EMSY: variants seen among roughly 807,000 people sequenced by gnomAD.
EMSY encodes the protein BRCA2-interacting transcriptional repressor EMSY.
A neutral mutation model predicts 134.6 loss-of-function variants in EMSY; 26 were observed. The observed-to-expected ratio is 0.19, with a 90% CI of 0.14 to 0.27. EMSY has a LOEUF of 0.27. EMSY is among the 10% of genes least tolerant of loss of function. EMSY has a pLI of 1.00. For synonymous variants in EMSY, 579 were observed against 577.8 expected (o/e 1.00, Z -0.03); for missense variants, 1,305 against 1,611.4 (o/e 0.81, Z 3.26).
At chr11:76,523,236 C>A in exon 12 of EMSY, 1 of 1,613,760 alleles carries the variant, frequency 6.2e-7, no homozygotes, top group Non-Finnish European at 8.5e-7. Context: ...GGAAAAGGAA[C>A]GACCATTCAA....
At chr11:76,478,098 C>T (rs542719016) in intron 8 of EMSY, among the ~76,000 whole-genome samples, 1 of 152,278 alleles carries the variant, frequency 6.6e-6, no homozygotes, top group African/African-American at 2.4e-5. Flanking sequence ...GCCCTGAATG[C>T]AGTTTCTGTT....
chr11:76,500,588 C>T (rs1249658322), intron 9 of EMSY, among the ~76,000 whole-genome samples: 2 of 152,172 alleles, frequency 1.3e-5, no homozygotes, highest in Admixed American at 6.5e-5. Context: ...AGCCAAAATT[C>T]GGATTACAGA....
At chr11:76,532,417 A>G (rs1440342461) in intron 14 of EMSY, among the ~76,000 whole-genome samples, 3 of 149,240 alleles carry the variant, frequency 2.0e-5, no homozygotes, top group Non-Finnish European at 4.4e-5. Context: ...AGTAAGTAGT[A>G]TACACCTAGA....
exon 9 of EMSY, chr11:76,496,414 G>A (rs1338362407): frequency 1.8e-5 from 29 of 1,613,996 alleles, no homozygotes; most frequent in Non-Finnish European, 2.1e-5. Flanking sequence ...AACAGCCTCA[G>A]CAGTCTCCTT....
chr11:76,467,470 T>C (rs1358299164), intron 7 of EMSY, among the ~76,000 whole-genome samples: 4 of 152,230 alleles, frequency 2.6e-5, no homozygotes, highest in Non-Finnish European at 5.9e-5. Context: ...GTTGATATTA[T>C]ATTGCAAAGT....
Position 76,537,272 on chromosome 11 carries a change from T to C in EMSY, c.2360-523T>C, listed in dbSNP as rs1236313009. On this transcript the variant is annotated intron_variant, in intron 15 of 20. Transcript: ENST00000334736. ...TCTAGAAACAAAGAAGCCATTTTTT[T>C]CTAACAATGAAAATTTTTATTCTTT... is the stretch of plus-strand genomic sequence containing the variant. Among the ~76,000 whole-genome samples the C allele has an allele frequency of 2.0e-5, 3 of 152,236 alleles. No individual in the cohort carries two copies. In the East Asian group the frequency reaches 5.8e-4, roughly 29 times the overall value.
At chr11:76,512,989 T>A (rs1296397951) in intron 9 of EMSY, among the ~76,000 whole-genome samples, 1 of 152,158 alleles carries the variant, frequency 6.6e-6, no homozygotes, top group Non-Finnish European at 1.5e-5. Context: ...TTTGGCGAAG[T>A]TGGGGATACA....
chr11:76,543,158 A>T (rs1951510045), intron 18 of EMSY, among the ~76,000 whole-genome samples: 1 of 152,188 alleles, frequency 6.6e-6, no homozygotes, highest in South Asian at 2.1e-4. Context: ...TAGTTATATC[A>T]TGGATATCAG....
At chr11:76,448,886 A>G (rs1199486955) in intron 2 of EMSY, among the ~76,000 whole-genome samples, 1 of 152,202 alleles carries the variant, frequency 6.6e-6, no homozygotes, top group Non-Finnish European at 1.5e-5. Context: ...TAGATTTTAC[A>G]TACATATAAA....
Position 76,469,903 on chromosome 11 carries a change from G to C in EMSY, c.832-2661G>C, listed in dbSNP as rs1337383780. On this transcript the variant is annotated intron_variant, in intron 7 of 20. Transcript: ENST00000334736. The stretch of plus-strand genomic sequence containing the variant: ...TGCTATATAGGTATTTGCTGATCAA[G>C]TCTATCTATAAATATGCTGGTTGAC... Among the ~76,000 whole-genome samples the C allele has an allele frequency of 2.6e-5, 4 of 152,180 alleles. No homozygotes were observed. The East Asian group carries it at 7.7e-4, about 29-fold the overall frequency.
chr11:76,496,743 G>A (rs1301023599), intron 9 of EMSY: 1 of 443,436 alleles, frequency 2.3e-6, no homozygotes, highest in South Asian at 2.1e-5. Context: ...TATTGATCTT[G>A]TATCCTTTGA....
chr11:76,528,018 A>G lies in EMSY; in HGVS notation c.1996-250A>G, dbSNP rs538947068. On this transcript the variant is annotated intron_variant, in intron 13 of 20. Coordinates refer to ENST00000334736, the Ensembl canonical transcript of EMSY. ...ATGACTCCTGAAGTTGTAGGCAAAC[A>G]GGCACAAAGGTTCTTGTCAGAATCA... Among the ~76,000 whole-genome samples the G allele has an allele frequency of 2.0e-5, 3 of 152,188 alleles. 1 individual carries two copies. In the South Asian group the frequency reaches 6.2e-4, roughly 32 times the overall value.
chr11:76,523,362 C>T (rs1950716323), intron 12 of EMSY, 71 bp downstream of exon 13: 2 of 1,518,284 alleles, frequency 1.3e-6, no homozygotes, highest in Non-Finnish European at 8.8e-7. Flanking sequence ...TAAATATTTG[C>T]ACAAGGACTT....
At chr11:76,503,611 CAAAT>C (rs1949964248) in intron 9 of EMSY, among the ~76,000 whole-genome samples, 1 of 152,062 alleles carries the variant, frequency 6.6e-6, no homozygotes, top group African/African-American at 2.4e-5. Context: ...AAAATTAACT[CAAAT>C]GAATCAAACA....
Position 76,544,818 on chromosome 11 carries a change from G to A in EMSY, c.3269G>A (p.Ser1090Asn), listed in dbSNP as rs774014326. 6.8e-6 allele frequency: 11 copies of A among 1,613,848 alleles called. No individual in the cohort carries two copies. In the East Asian group the frequency reaches 2.5e-4, roughly 36 times the overall value. ...GCTTCTTCAGAGAAACAGACGGCAAGCCAGGTAACGGAATATTGATAGCAT... is the reference window on the plus strand; with the variant it reads ...GCTTCTTCAGAGAAACAGACGGCAAACCAGGTAACGGAATATTGATAGCAT... Residue 1090 changes from serine (S) to asparagine (N), a missense_variant, in exon 19 of 21, where the codon AGC becomes AAC. Physicochemically the swap from Ser to Asn is conservative, Grantham distance 46. Transcript: ENST00000334736.
chr11:76,524,653 T>C lies in EMSY; in HGVS notation c.1821+1362T>C, dbSNP rs77675549. Among the ~76,000 whole-genome samples the C allele has an allele frequency of 1.2e-4, 19 of 152,332 alleles. No individual in the cohort carries two copies. In the East Asian group the frequency reaches 3.7e-3, roughly 29 times the overall value. ...ACAAAGATCCAAGAGTCATGTATGA[T>C]TCATAGCTGTTAGATATCTCTGATA... On this transcript the variant is annotated intron_variant, in intron 12 of 20. Coordinates refer to ENST00000334736, the Ensembl canonical transcript of EMSY.
At chr11:76,468,656 A>T (rs944946781) in intron 7 of EMSY, among the ~76,000 whole-genome samples, 1 of 152,256 alleles carries the variant, frequency 6.6e-6, no homozygotes, top group Non-Finnish European at 1.5e-5. Flanking sequence ...TATATTAAGT[A>T]TAATTATTTA....
chr11:76,469,716 T>C (rs1948499091), intron 7 of EMSY, among the ~76,000 whole-genome samples: 1 of 152,156 alleles, frequency 6.6e-6, no homozygotes, highest in African/African-American at 2.4e-5. Context: ...CCCCATTTTA[T>C]AGATGAAAAT....
Position 76,522,870 on chromosome 11 carries a change from CAA to C in EMSY, c.1685-283_1685-282del, listed in dbSNP as rs1171656810. Among the ~76,000 whole-genome samples the C allele has an allele frequency of 3.9e-5, 6 of 152,218 alleles. No homozygotes were observed. The East Asian group carries it at 7.7e-4, about 20-fold the overall frequency. On this transcript the variant is annotated intron_variant, in intron 11 of 20. Coordinates refer to ENST00000334736, the Ensembl canonical transcript of EMSY. ...GATTTGTTTCTTTTAACTAGTCAGA[CAA>C]AGAATATTGATGGTAAAACTGTTGT... is the stretch of plus-strand genomic sequence containing the variant.
Sources: allele counts gnomAD v4.1 joint callset (sites outside exome capture counted in the v4.1 genomes callset), GRCh38; gene constraint gnomAD v4.1.1; transcripts MANE v1.5; gene names NCBI Gene and HGNC (gene_info 2026-07-23, HGNC 2026-07-21).